The following FBXO42 variants were observed in gnomAD, a reference collection of about 807,000 sequenced individuals.
FBXO42 encodes the protein F-box protein 42.
In FBXO42, 12 loss-of-function variants were observed where a neutral mutation model predicts 71.7. The observed-to-expected ratio is 0.17, with a 90% CI of 0.11 to 0.27. FBXO42 has a LOEUF of 0.27. FBXO42 is among the 10% of genes least tolerant of loss of function. The pLI, the probability that FBXO42 is intolerant of heterozygous loss-of-function variation, is 1.00. For missense variants in FBXO42, 707 were observed against 911.9 expected, an observed-to-expected ratio of 0.78 and a Z score of 2.89; for synonymous variants, 325 against 327.5, an observed-to-expected ratio of 0.99 and a Z score of 0.08.
intron 1 of FBXO42, among the ~76,000 whole-genome samples, chr1:16,351,338 G>T (rs1024874906): frequency 2.0e-5 from 3 of 152,040 alleles, no homozygotes; most frequent in Non-Finnish European, 4.4e-5. Context: ...TCTCAAAAAG[G>T]AACAACATAG....
rs1175630470 is a variant in FBXO42, at chr1:16,320,849, C to T, written c.-17-5414G>A. Among the ~76,000 whole-genome samples, 3 of 152,102 alleles carry T rather than the reference C, an allele frequency of 2.0e-5. No homozygotes were observed. In the East Asian group the frequency reaches 5.8e-4, roughly 29 times the overall value. On this transcript the variant is annotated intron_variant, in intron 1 of 9. Transcript: ENST00000375592. ...TCTTATATTTTTAACCTCCACTCAG[C>T]TCTAAATTCACCAAGGAAAAGAGCC...
At chr1:16,328,510 G>A (rs990016129) in intron 1 of FBXO42, among the ~76,000 whole-genome samples, 4 of 152,192 alleles carry the variant, frequency 2.6e-5, no homozygotes, top group Non-Finnish European at 4.4e-5. Flanking sequence ...GTCAAGGAAG[G>A]AAGATAGAAT....
chr1:16,312,293 C>T (rs902272220), intron 2 of FBXO42, among the ~76,000 whole-genome samples: 32 of 152,106 alleles, frequency 2.1e-4, no homozygotes, highest in Middle Eastern at 6.8e-3. Context: ...GCCCGGGAGA[C>T]GGAGGTTGCA....
intron 2 of FBXO42, among the ~76,000 whole-genome samples, chr1:16,306,127 T>C (rs1237126393): frequency 6.6e-6 from 1 of 152,010 alleles, no homozygotes; most frequent in Admixed American, 6.6e-5. Flanking sequence ...GTTCAAGTGA[T>C]TCTCCTGCTT....
At chr1:16,294,584 C>T (rs1348755516) in intron 4 of FBXO42, 199 bp downstream of exon 4, 30 of 572,542 alleles carry the variant, frequency 5.2e-5, no homozygotes, top group Non-Finnish European at 3.0e-6. Flanking sequence ...GGCACCATTA[C>T]TAATGATAAA....
chr1:16,323,208 G>T (rs2082422340), intron 1 of FBXO42, among the ~76,000 whole-genome samples: 1 of 149,884 alleles, frequency 6.7e-6, no homozygotes, highest in Non-Finnish European at 1.5e-5. Context: ...CACAAGGTCA[G>T]GAGTTTGAGA....
intron 1 of FBXO42, among the ~76,000 whole-genome samples, chr1:16,323,694 G>A (rs1013051500): frequency 6.6e-6 from 1 of 150,850 alleles, no homozygotes; most frequent in Non-Finnish European, 1.5e-5. Flanking sequence ...GGAGGCTGAG[G>A]CAGGAGAATC....
chr1:16,321,502 C>A (rs2082408914), intron 1 of FBXO42, among the ~76,000 whole-genome samples: 1 of 152,196 alleles, frequency 6.6e-6, no homozygotes, highest in Non-Finnish European at 1.5e-5. Context: ...AGAAGTCCTT[C>A]TCACCCTTCA....
intron 1 of FBXO42, among the ~76,000 whole-genome samples, chr1:16,342,635 G>A (rs1251653399): frequency 4.6e-5 from 7 of 150,720 alleles, no homozygotes; most frequent in African/African-American, 1.7e-4. Flanking sequence ...TTGTTCCCCT[G>A]ACCCTTAATA....
intron 4 of FBXO42, 114 bp downstream of exon 4, chr1:16,294,669 G>T: frequency 9.7e-7 from 1 of 1,036,246 alleles, no homozygotes; most frequent in Non-Finnish European, 1.4e-6. Flanking sequence ...TAAACTTAAG[G>T]ACCTGAGTCC....
intron 4 of FBXO42, among the ~76,000 whole-genome samples, chr1:16,281,027 T>G (rs1021417390): frequency 6.6e-6 from 1 of 152,128 alleles, no homozygotes; most frequent in Non-Finnish European, 1.5e-5. Context: ...AATGACACGA[T>G]TCTCAGCTCA....
At chr1:16,310,921 C>A (rs1041909003) in intron 2 of FBXO42, among the ~76,000 whole-genome samples, 1 of 151,734 alleles carries the variant, frequency 6.6e-6, no homozygotes, top group Non-Finnish European at 1.5e-5. Flanking sequence ...TTGCAGTGAG[C>A]CAATATTGTG....
Position 16,251,029 on chromosome 1 carries a change from C to T in FBXO42, c.1795G>A (p.Val599Met). The T allele has an allele frequency of 6.2e-7, 1 of 1,614,204 alleles. No homozygotes were observed. The highest frequency in any genetic ancestry group is 8.5e-7 in the Non-Finnish European group (1 of 1,180,028). Reference protein sequence around the residue: ...GSQSLSSGETVPIPRPGPAQG... With the variant: ...GSQSLSSGETMPIPRPGPAQG... The stretch of plus-strand genomic sequence containing the variant: ...GCAGGCCCTGGGCGAGGGATGGGCA[C>T]TGTTTCTCCACTGCTCAAACTCTGG... The change falls in exon 10 of 10, where the codon GTG becomes ATG. Residue 599 changes from valine to methionine, a missense_variant. Physicochemically the swap from Val to Met is conservative, Grantham distance 21. Transcript: ENST00000375592. The surrounding 1 kb of genome is among the most constrained non-coding windows in gnomAD (Gnocchi z 4.5).
Position 16,317,467 on chromosome 1 carries a change from G to A in FBXO42, c.-17-2032C>T, listed in dbSNP as rs11803471. ...AACTTAGCCAGGCTTGGTGATGCAT[G>A]TGCCTGTAATCCCAGTTACTTGGGA... On this transcript the variant is annotated intron_variant, in intron 1 of 9. Coordinates refer to ENST00000375592, the MANE Select transcript of FBXO42 (RefSeq NM_018994.3). 6.2e-3 allele frequency among the ~76,000 whole-genome samples: 939 copies of A among 151,794 alleles called. 6 individuals carry two copies. Among genetic ancestry groups the A allele is most frequent in the African/African-American group, 0.022 (900 of 41,366 alleles).
Position 16,251,672 on chromosome 1 carries a change from A to C in FBXO42, c.1152T>G (p.Pro384=), listed in dbSNP as rs1440527171. 6 of 1,614,086 alleles carry C rather than the reference A, an allele frequency of 3.7e-6. No homozygotes were observed. The highest frequency in any genetic ancestry group is 5.1e-6 in the Non-Finnish European group (6 of 1,180,042). Residue 384 remains proline (P), a synonymous_variant, in exon 10 of 10, where the codon CCT becomes CCG. Transcript: ENST00000375592. The surrounding 1 kb of genome is among the most constrained non-coding windows in gnomAD (Gnocchi z 4.5). Reference sequence around the variant, plus strand: ...ACTGAGAGCGGTACTCTCGGGTTTCAGGAACGAGAGCTGGAGGAGTGGCAC... The same window carrying C: ...ACTGAGAGCGGTACTCTCGGGTTTCCGGAACGAGAGCTGGAGGAGTGGCAC... ...PISATPPALV[P]ETREYRSQSP...
intron 1 of FBXO42, among the ~76,000 whole-genome samples, chr1:16,326,036 G>GTC (rs2082446275): frequency 6.6e-6 from 1 of 150,824 alleles, no homozygotes; most frequent in African/African-American, 2.4e-5. Flanking sequence ...GTGTGTGTGT[G>GTC]TGTGTGTGTG....
Position 16,352,402 on chromosome 1 carries a change from C to G in FBXO42, c.-165G>C, listed in dbSNP as rs1309503307. 1 of 399,744 alleles carries G rather than the reference C, an allele frequency of 2.5e-6. No homozygotes were observed. Among genetic ancestry groups the G allele is most frequent in the Non-Finnish European group, 4.4e-6 (1 of 227,214 alleles). The allele number at this position is 399,744 out of a possible 1,614,324, so 24.8% of individuals were successfully genotyped here. Reference sequence around the variant, plus strand: ...CACAGCTGGCGGGACCCCGAGCCGCCCGGAGCCGCCATCTTCCTCCACTCA... The same window carrying G: ...CACAGCTGGCGGGACCCCGAGCCGCGCGGAGCCGCCATCTTCCTCCACTCA... On this transcript the variant is annotated 5_prime_UTR_variant, in exon 1 of 10. Transcript: ENST00000375592.
chr1:16,291,264 CA>C (rs2100524386), intron 4 of FBXO42, among the ~76,000 whole-genome samples: 1 of 152,218 alleles, frequency 6.6e-6, no homozygotes, highest in East Asian at 1.9e-4. Flanking sequence ...GACTAATTGA[CA>C]TTTCAGTTAG....
chr1:16,339,404 C>A (rs992053471), intron 1 of FBXO42, among the ~76,000 whole-genome samples: 15 of 152,138 alleles, frequency 9.9e-5, no homozygotes, highest in Non-Finnish European at 2.1e-4. Context: ...CCTCCGCCAC[C>A]TGGGTTCAAG....
Sources: gnomAD v4.1 joint callset for allele counts (sites outside exome capture counted in the v4.1 genomes callset) on GRCh38, gnomAD v4.1.1 for gene constraint, Gnocchi (gnomAD v3.1) non-coding constraint, MANE v1.5 for transcripts, NCBI Gene and HGNC (gene_info 2026-07-23, HGNC 2026-07-21) for gene names.